ZNF510: variants seen among roughly 807,000 people sequenced by gnomAD.
ZNF510 encodes the protein zinc finger protein 510.
Under a neutral mutation model 18.1 loss-of-function variants are expected in ZNF510, and 15 were observed. The observed-to-expected ratio is 0.83, with a 90% CI of 0.55 to 1.28. The LOEUF is 1.28. Ranked by LOEUF, ZNF510 falls within the 50% of genes most tolerant of loss-of-function variation. The probability of loss-of-function intolerance (pLI) is 0.00; values close to 1 mark genes in which losing one functional copy is unlikely to be tolerated. For synonymous variants in ZNF510, 261 were observed against 266.4 expected (o/e 0.98, Z 0.20); for missense variants, 724 against 791.8 (o/e 0.91, Z 1.03).
In ZNF510 at chr9:96,754,777, C is replaced by T. The variant is rs1314422565; in HGVS notation, c.*4001G>A. Among the ~76,000 whole-genome samples, 1 of 152,178 alleles carries T rather than the reference C, an allele frequency of 6.6e-6. No individual in the cohort carries two copies. The highest frequency in any genetic ancestry group is 1.5e-5 in the Non-Finnish European group (1 of 68,038). On this transcript the variant is annotated 3_prime_UTR_variant, in exon 6 of 6. Coordinates refer to ENST00000223428, the MANE Select transcript of ZNF510 (RefSeq NM_014930.3). ...CTCAGATTTCAGTTTGATAACTGTA[C>T]CTTCAGCAAGTATTTCTGAGTGCCT...
At position 96,757,977 on chromosome 9, in the gene ZNF510, C is replaced by G. The variant is rs191479515; in HGVS notation, c.*801G>C. ...TGATTCAATAACCCTCATGGGAGAG[C>G]AGGAGGGCATGAGACTTCATCCCAC... On this transcript the variant is annotated 3_prime_UTR_variant, in exon 6 of 6. Coordinates refer to ENST00000223428, the MANE Select transcript of ZNF510 (RefSeq NM_014930.3). The G allele has an allele frequency of 6.6e-6, 1 of 152,278 alleles. No individual in the cohort carries two copies. Among genetic ancestry groups the G allele is most frequent in the Admixed American group, 6.5e-5 (1 of 15,298 alleles). The allele number at this position is 152,278 out of a possible 1,614,324, so 9.4% of individuals were successfully genotyped here.
chr9:96,758,774 T>C lies in ZNF510; in HGVS notation c.*4A>G, dbSNP rs1475836879. 6.5e-7 allele frequency: 1 copy of C among 1,545,818 alleles called. No individual in the cohort carries two copies. Among genetic ancestry groups the C allele is most frequent in the East Asian group, 2.3e-5 (1 of 44,208 alleles). Reference sequence around the variant, plus strand: ...TTTGTCAAAAGGATTTTCTAGTTATTACATCAATAGGGATTCCCCTCTCCC... The same window carrying C: ...TTTGTCAAAAGGATTTTCTAGTTATCACATCAATAGGGATTCCCCTCTCCC... On this transcript the variant is annotated 3_prime_UTR_variant, in exon 6 of 6. Coordinates refer to ENST00000223428, the MANE Select transcript of ZNF510 (RefSeq NM_014930.3).
At position 96,760,283 on chromosome 9, in the gene ZNF510, A is replaced by T; in HGVS notation, c.547T>A (p.Leu183Met). 3.1e-6 allele frequency: 5 copies of T among 1,613,324 alleles called. No individual in the cohort carries two copies. Among genetic ancestry groups the T allele is most frequent in the Non-Finnish European group, 4.2e-6 (5 of 1,179,550 alleles). The change falls in exon 6 of 6, where the codon TTG becomes ATG. Residue 183 changes from leucine (L) to methionine (M), a missense_variant. Coordinates refer to ENST00000223428, the MANE Select transcript of ZNF510 (RefSeq NM_014930.3). The stretch of plus-strand genomic sequence containing the variant: ...ATGATAAATTCAGAAATACTTTGCA[A>T]ATTCACTTCCCATGAGTTGCATTTG... ...SCKCNSWEVNLQSISEFIINN... is the reference protein window; with the variant it reads ...SCKCNSWEVNMQSISEFIINN...
intron 3 of ZNF510, among the ~76,000 whole-genome samples, chr9:96,770,957 G>A (rs201195722): frequency 2.0e-5 from 3 of 152,066 alleles, no homozygotes; most frequent in East Asian, 3.8e-4. Flanking sequence ...AGCACGATTT[G>A]GATTTTCTAT....
In ZNF510 at chr9:96,776,084, C is replaced by T. The variant is rs1849697172; in HGVS notation, c.-15G>A. The stretch of plus-strand genomic sequence containing the variant: ...TGTGGCGACATCACCAAGTCTGGTG[C>T]TCTCTGGGCAAGGGGATGAAGAAGT... On this transcript the variant is annotated 5_prime_UTR_variant, in exon 2 of 6. Transcript: ENST00000223428. 1.3e-6 allele frequency: 2 copies of T among 1,593,184 alleles called. No homozygotes were observed. The highest frequency in any genetic ancestry group is 1.7e-5 in the Admixed American group (1 of 57,292).
chr9:96,755,020 C>T lies in ZNF510; in HGVS notation c.*3758G>A, dbSNP rs980265619. On this transcript the variant is annotated 3_prime_UTR_variant, in exon 6 of 6. Transcript: ENST00000223428. ...CAACCAGGCAAGGAGAGGGAGCATA[C>T]ATGACTAGAGCACAGACCATGGTCT... Among the ~76,000 whole-genome samples the T allele has an allele frequency of 1.3e-5, 2 of 152,188 alleles. No homozygotes were observed. Among genetic ancestry groups the T allele is most frequent in the East Asian group, 1.9e-4 (1 of 5,188 alleles).
chr9:96,765,524 T>TC (rs1338819597), intron 3 of ZNF510, among the ~76,000 whole-genome samples: 1 of 152,056 alleles, frequency 6.6e-6, no homozygotes, highest in East Asian at 1.9e-4. Flanking sequence ...TTTTTCTTTT[T>TC]TTTTTTTGAG....
chr9:96,775,180 C>T (rs58839448), intron 2 of ZNF510, among the ~76,000 whole-genome samples: 7,283 of 152,020 alleles, frequency 0.048, 580 homozygotes, highest in African/African-American at 0.17. Context: ...CCGTCTCAGC[C>T]TCCTGAGTTG....
chr9:96,762,770 G>A (rs2117960674), intron 5 of ZNF510, among the ~76,000 whole-genome samples: 1 of 152,192 alleles, frequency 6.6e-6, no homozygotes, highest in South Asian at 2.1e-4. Flanking sequence ...ATATTAAAAA[G>A]TTCTTGTTCA....
chr9:96,759,850 T>C lies in ZNF510; in HGVS notation c.980A>G (p.Asn327Ser). 1 of 1,613,614 alleles carries C rather than the reference T, an allele frequency of 6.2e-7. No homozygotes were observed. Among genetic ancestry groups the C allele is most frequent in the Non-Finnish European group, 8.5e-7 (1 of 1,179,964 alleles). ...SFEKSTVEEY[N>S]KLNMGIKHYE... is the part of the protein sequence containing the mutation. ...ATGTTTTATACCCATATTAAGTTTA[T>C]TATATTCCTCCACAGTTGACTTCTC... The change falls in exon 6 of 6, where the codon AAT becomes AGT. Residue 327 changes from asparagine (N) to serine (S), a missense_variant. Asn to Ser is a conservative substitution (Grantham distance 46, BLOSUM62 1). Transcript: ENST00000223428.
intron 3 of ZNF510, among the ~76,000 whole-genome samples, chr9:96,767,361 CCT>C (rs566811059): frequency 3.3e-5 from 5 of 151,808 alleles, no homozygotes; most frequent in Non-Finnish European, 5.9e-5. Flanking sequence ...AAAACAAACC[CCT>C]GAGACCCAGA....
intron 3 of ZNF510, among the ~76,000 whole-genome samples, chr9:96,770,442 A>AAT (rs898330257): frequency 4.6e-5 from 7 of 151,634 alleles, no homozygotes; most frequent in African/African-American, 1.7e-4. Context: ...AAAAAAAAAA[A>AAT]AATAGAAAAA....
chr9:96,759,618 A>G lies in ZNF510; in HGVS notation c.1212T>C (p.Tyr404=). The G allele has an allele frequency of 1.2e-6, 2 of 1,613,876 alleles. No individual in the cohort carries two copies. The highest frequency in any genetic ancestry group is 1.7e-6 in the Non-Finnish European group (2 of 1,179,986). ...AGGATTTCCCACATTCATTACATTT[A>G]TAGGGTTTCATCATTGAGTGACTTC... ...RRRSHSMMKP[Y]KCNECGKSFC... is the part of the protein sequence containing the mutation. The change falls in exon 6 of 6, where the codon TAT becomes TAC. Residue 404 remains tyrosine, a synonymous_variant. Coordinates refer to ENST00000223428, the MANE Select transcript of ZNF510 (RefSeq NM_014930.3).
In ZNF510 at chr9:96,760,400, T is replaced by C. The variant is rs1849317113; in HGVS notation, c.430A>G (p.Asn144Asp). 3.1e-6 allele frequency: 5 copies of C among 1,613,544 alleles called. No homozygotes were observed. The South Asian group carries it at 3.3e-5, about 11-fold the overall frequency. Residue 144 changes from asparagine to aspartate, a missense_variant, in exon 6 of 6, where the codon AAT (asparagine) becomes GAT (aspartate). By Grantham distance (23) the Asn-to-Asp change is conservative. Coordinates refer to ENST00000223428, the MANE Select transcript of ZNF510 (RefSeq NM_014930.3). ...DKHLEQAICINNKTLTTEEEK... is the reference protein window; with the variant it reads ...DKHLEQAICIDNKTLTTEEEK... ...TCCTCTGTAGTCAATGTTTTATTAT[T>C]GATACATATTGCTTGCTCCAAGTGT...
intron 3 of ZNF510, among the ~76,000 whole-genome samples, chr9:96,773,525 C>T (rs1023588941): frequency 2.0e-5 from 3 of 151,408 alleles, no homozygotes; most frequent in East Asian, 1.9e-4. Context: ...ATCTAAGCCA[C>T]GGAGCAAGGC....
At position 96,758,153 on chromosome 9, in the gene ZNF510, T is replaced by A. The variant is rs1849240391; in HGVS notation, c.*625A>T. 1 of 152,250 alleles carries A rather than the reference T, an allele frequency of 6.6e-6. No homozygotes were observed. The highest frequency in any genetic ancestry group is 1.5e-5 in the Non-Finnish European group (1 of 68,068). The allele number at this position is 152,250 out of a possible 1,614,324, so 9.4% of individuals were successfully genotyped here. On this transcript the variant is annotated 3_prime_UTR_variant, in exon 6 of 6. Transcript: ENST00000223428. Reference sequence around the variant, plus strand: ...ACTACTGTATAAGCTTAAATTTTGCTCACATAATGTTCAACTGGGAAAGAC... The same window carrying A: ...ACTACTGTATAAGCTTAAATTTTGCACACATAATGTTCAACTGGGAAAGAC...
At chr9:96,769,220 A>G (rs774512521) in intron 3 of ZNF510, among the ~76,000 whole-genome samples, 63 of 152,048 alleles carry the variant, frequency 4.1e-4, no homozygotes, top group Non-Finnish European at 7.6e-4. Flanking sequence ...AGATCACTTG[A>G]GATCAGGAGT....
chr9:96,759,242 T>A lies in ZNF510; in HGVS notation c.1588A>T (p.Asn530Tyr). The part of the protein sequence containing the change: ...QCGKTFGQKS[N>Y]LRIHQRTHTG... ...TGAGTTCTCTGATGTATTCTGAGGT[T>A]TGACTTCTGGCCAAATGTTTTTCCA... The change falls in exon 6 of 6, where the codon AAC becomes TAC. Residue 530 changes from asparagine to tyrosine, a missense_variant. Transcript: ENST00000223428. The A allele has an allele frequency of 1.2e-6, 2 of 1,613,930 alleles. No homozygotes were observed. The highest frequency in any genetic ancestry group is 1.7e-6 in the Non-Finnish European group (2 of 1,179,964).
chr9:96,764,203 AAAATGT>A (rs1299214329), intron 3 of ZNF510, among the ~76,000 whole-genome samples: 2 of 152,176 alleles, frequency 1.3e-5, no homozygotes, highest in African/African-American at 2.4e-5. Flanking sequence ...TTGTAGCCAA[AAAATGT>A]AAATAAACTT....
Sources: allele counts gnomAD v4.1 joint callset (sites outside exome capture counted in the v4.1 genomes callset), GRCh38; gene constraint gnomAD v4.1.1; transcripts MANE v1.5; gene names NCBI Gene and HGNC (gene_info 2026-07-23, HGNC 2026-07-21).